RPS10: variants seen among roughly 807,000 people sequenced by gnomAD.
RPS10 encodes small ribosomal subunit protein eS10.
In RPS10, 2 loss-of-function variants were observed where a neutral mutation model predicts 22.6. That is an observed-to-expected ratio of 0.09 (90% CI 0.04 to 0.28). RPS10 has a LOEUF of 0.28. Among genes scored for constraint, RPS10 ranks in the 10% least tolerant of loss-of-function variants. RPS10 has a pLI of 1.00. For synonymous variants in RPS10, 70 were observed against 75.9 expected, an observed-to-expected ratio of 0.92 and a Z score of 0.40; for missense variants, 137 against 222.2, an observed-to-expected ratio of 0.62 and a Z score of 2.44.
At chr6:34,418,522 A>C in intron 4 of RPS10, 98 bp from the exon 5 acceptor site, 1 of 1,577,464 alleles carries the variant, frequency 6.3e-7, no homozygotes, top group Non-Finnish European at 8.7e-7. Flanking sequence ...AGGAAAAGCC[A>C]AGTACCACTC....
intron 4 of RPS10, among the ~76,000 whole-genome samples, chr6:34,420,982 TGGG>T (rs1451452154): frequency 2.0e-5 from 3 of 149,472 alleles, no homozygotes; most frequent in Non-Finnish European, 4.4e-5. Context: ...CACTCCAGCC[TGGG>T]TGACAGAGCG....
At chr6:34,423,172 G>A (rs896934430) in intron 3 of RPS10, among the ~76,000 whole-genome samples, 3 of 151,778 alleles carry the variant, frequency 2.0e-5, no homozygotes, top group Admixed American at 2.0e-4. Flanking sequence ...TATGAACTAT[G>A]TCTCCTTTTT....
At chr6:34,421,047 A>G (rs1042354955) in intron 4 of RPS10, among the ~76,000 whole-genome samples, 20 of 146,352 alleles carry the variant, frequency 1.4e-4, no homozygotes, top group African/African-American at 4.8e-4. Context: ...GTTGAATCCT[A>G]TTATTCCTTT....
intron 5 of RPS10, chr6:34,418,131 A>C (rs568769799): frequency 2.1e-6 from 3 of 1,443,510 alleles, no homozygotes; most frequent in African/African-American, 2.9e-5. Context: ...TTAATGAAAC[A>C]GAAAATACTA....
Position 34,422,549 on chromosome 6 carries a change from A to T in RPS10, c.323-742T>A, listed in dbSNP as rs529147591. Among the ~76,000 whole-genome samples the T allele has an allele frequency of 2.6e-5, 4 of 152,168 alleles. No homozygotes were observed. The South Asian group carries it at 6.2e-4, about 24-fold the overall frequency. ...AGGCTGGTCTCCAACTCCTGACCTC[A>T]AGTGACCCTCCCGCCTTGGCCTTCC... On this transcript the variant is annotated intron_variant, in intron 3 of 5. Transcript: ENST00000648437.
At chr6:34,423,177 CTT>C (rs199709103) in intron 3 of RPS10, among the ~76,000 whole-genome samples, 21 of 146,014 alleles carry the variant, frequency 1.4e-4, no homozygotes, top group Admixed American at 2.1e-4. Context: ...ACTATGTCTC[CTT>C]TTTTTTTTTT....
intron 4 of RPS10, among the ~76,000 whole-genome samples, chr6:34,421,091 G>A (rs113929587): frequency 0.014 from 1,955 of 143,632 alleles, 22 homozygotes; most frequent in Non-Finnish European, 0.023. Context: ...ACATTTTACC[G>A]AAGAGGTTTT....
chr6:34,425,097 T>C lies in RPS10; in HGVS notation c.125A>G (p.Asn42Ser), dbSNP rs1297727311. Residue 42 changes from asparagine to serine, a missense_variant, in exon 2 of 6, where the codon AAC (asparagine) becomes AGC (serine). Transcript: ENST00000648437. ...CTGCATGGCCTTCATGACATGAAGG[T>C]TGGGCACATTCTTGTCTGCCAGCTC... Reference protein sequence around the residue: ...HPELADKNVPNLHVMKAMQSL... With the variant: ...HPELADKNVPSLHVMKAMQSL... 2 of 1,612,636 alleles carry C rather than the reference T, an allele frequency of 1.2e-6. No individual in the cohort carries two copies. Among genetic ancestry groups the C allele is most frequent in the South Asian group, 2.2e-5 (2 of 91,004 alleles).
chr6:34,421,436 G>A lies in RPS10; in HGVS notation c.400+294C>T, dbSNP rs1811967. The stretch of plus-strand genomic sequence containing the variant: ...TGACCTCAAGTAATCTGCCCACTTC[G>A]ACCCCCCCCCTCCAACCAAAGTGCT... On this transcript the variant is annotated intron_variant, in intron 4 of 5. Transcript: ENST00000648437. Among the ~76,000 whole-genome samples, 55,937 of 147,716 alleles carry A rather than the reference G, an allele frequency of 0.38. 13,173 individuals carry two copies. The highest frequency in any genetic ancestry group is 0.54 in the Non-Finnish European group (35,491 of 66,284).
At chr6:34,418,309 C>T in intron 5 of RPS10, 60 bp downstream of exon 5, 1 of 1,613,232 alleles carries the variant, frequency 6.2e-7, no homozygotes, top group Non-Finnish European at 8.5e-7. Flanking sequence ...ACTTGCAGAG[C>T]AACCAGACTG....
chr6:34,417,660 C>A, intron 5 of RPS10, 113 bp from the exon 6 acceptor site: 1 of 991,778 alleles, frequency 1.0e-6, no homozygotes, highest in Admixed American at 1.9e-5. Context: ...ATGTAAACAG[C>A]TGGGAGAGAG....
At chr6:34,425,347 TC>T in intron 1 of RPS10, 126 bp from the exon 2 acceptor site, 1 of 1,265,268 alleles carries the variant, frequency 7.9e-7, no homozygotes, top group Non-Finnish European at 1.1e-6. Context: ...AAGACTCAAC[TC>T]CACAAAACAG....
chr6:34,421,729 C>T lies in RPS10; in HGVS notation c.400+1G>A. ...CTAATATAGGTGATGCATTTACTCA[C>T]GTGGCACAGCACTCCGTCTGTAGGT... On this transcript the variant is annotated splice_donor_variant, in intron 4 of 5. Transcript: ENST00000648437. LOFTEE classifies it high-confidence loss of function. 2 of 1,613,794 alleles carry T rather than the reference C, an allele frequency of 1.2e-6. No individual in the cohort carries two copies. Among genetic ancestry groups the T allele is most frequent in the Non-Finnish European group, 8.5e-7 (1 of 1,179,864 alleles).
chr6:34,421,836 CAG>C (rs1392648284), intron 3 of RPS10, 29 bp from the exon 4 acceptor site: 10 of 1,613,656 alleles, frequency 6.2e-6, no homozygotes, highest in Non-Finnish European at 8.5e-6. Context: ...ACTGTGAACA[CAG>C]GGCAATGTGA....
At chr6:34,417,678 C>G in intron 5 of RPS10, 131 bp from the exon 6 acceptor site, 1 of 842,286 alleles carries the variant, frequency 1.2e-6, no homozygotes, top group Non-Finnish European at 2.0e-6. Context: ...GAGCTGAGTA[C>G]AGGCTATAAA....
At chr6:34,418,489 C>G in intron 4 of RPS10, 65 bp from the exon 5 acceptor site, 2 of 1,611,036 alleles carry the variant, frequency 1.2e-6, no homozygotes, top group Non-Finnish European at 1.7e-6. Flanking sequence ...CAAGGGAAGA[C>G]AACTCACTGA....
intron 3 of RPS10, chr6:34,424,243 A>G (rs1765875178): frequency 4.7e-6 from 1 of 211,180 alleles, no homozygotes; most frequent in South Asian, 8.1e-5. Context: ...ATCCTTTCAC[A>G]TCGTGGTATA....
chr6:34,425,272 G>A, intron 1 of RPS10, 51 bp from the exon 2 acceptor site: 8 of 1,557,190 alleles, frequency 5.1e-6, no homozygotes, highest in Non-Finnish European at 6.1e-6. Context: ...CGAGGCCGGG[G>A]CCCGGTAATC....
intron 1 of RPS10, 169 bp from the exon 2 acceptor site, chr6:34,425,390 C>G: frequency 1.3e-6 from 1 of 772,964 alleles, no homozygotes; most frequent in Non-Finnish European, 2.1e-6. Flanking sequence ...TCAGTCCCCA[C>G]CCCCAAACAC....
Sources: gnomAD v4.1 joint callset for allele counts (sites outside exome capture counted in the v4.1 genomes callset) on GRCh38, gnomAD v4.1.1 for gene constraint, MANE v1.5 for transcripts, NCBI Gene and HGNC (gene_info 2026-07-23, HGNC 2026-07-21) for gene names.